Variants in PRKCA observed in about 807,000 individuals in gnomAD.
PRKCA encodes the protein protein kinase C alpha type.
PRKCA carries 27 observed loss-of-function variants against 87.0 expected under a neutral mutation model. The ratio of observed to expected loss-of-function variants is 0.31; its 90% confidence interval spans 0.23 to 0.43. The LOEUF is 0.43. Among genes scored for constraint, PRKCA ranks in the 20% least tolerant of loss-of-function variants. PRKCA has a pLI of 1.00. For synonymous variants in PRKCA, 329 were observed against 311.1 expected, an observed-to-expected ratio of 1.06 and a Z score of -0.61; for missense variants, 518 against 852.3, an observed-to-expected ratio of 0.61 and a Z score of 4.88.
intron 2 of PRKCA, among the ~76,000 whole-genome samples, chr17:66,434,351 ACAT>A (rs768746610): frequency 1.3e-5 from 2 of 152,038 alleles, no homozygotes; most frequent in Non-Finnish European, 2.9e-5. Flanking sequence ...CCTTGTGAAG[ACAT>A]CATGAGCCTC....
At chr17:66,633,185 CAA>C (rs1361804856) in intron 3 of PRKCA, among the ~76,000 whole-genome samples, 1 of 152,118 alleles carries the variant, frequency 6.6e-6, no homozygotes, top group Non-Finnish European at 1.5e-5. Context: ...ACATGATACA[CAA>C]TGTAATAATT....
intron 8 of PRKCA, among the ~76,000 whole-genome samples, chr17:66,731,883 C>T (rs371432083): frequency 1.1e-4 from 17 of 148,356 alleles, no homozygotes; most frequent in Admixed American, 6.8e-5. Context: ...CCCCGCCCCC[C>T]GGTTCAAGCG....
intron 8 of PRKCA, among the ~76,000 whole-genome samples, chr17:66,709,301 C>CTTTTTTTTTTTT (rs552633887): frequency 5.9e-5 from 5 of 84,908 alleles, no homozygotes; most frequent in African/African-American, 2.4e-4. Flanking sequence ...GAGATGATTT[C>CTTTTTTTTTTTT]TTTTTTTTTT....
intron 2 of PRKCA, among the ~76,000 whole-genome samples, chr17:66,365,731 C>T (rs961391921): frequency 1.3e-5 from 2 of 152,082 alleles, no homozygotes; most frequent in African/African-American, 2.4e-5. Context: ...AGAAAACAGA[C>T]GTATGAATGT....
intron 2 of PRKCA, among the ~76,000 whole-genome samples, chr17:66,383,650 A>T (rs1433026234): frequency 6.6e-6 from 1 of 152,210 alleles, no homozygotes; most frequent in East Asian, 1.9e-4. Flanking sequence ...AGTACTTTTA[A>T]AAGAGCAAGA....
chr17:66,508,610 G>T (rs1917078729), intron 3 of PRKCA, among the ~76,000 whole-genome samples: 1 of 152,162 alleles, frequency 6.6e-6, no homozygotes, highest in Admixed American at 6.5e-5. Flanking sequence ...CTGCACACAG[G>T]ATCCCAAGCC....
intron 11 of PRKCA, 90 bp downstream of exon 11, chr17:66,738,945 G>A (rs1974098865): frequency 2.0e-6 from 2 of 977,410 alleles, no homozygotes; most frequent in African/African-American, 1.6e-5. Flanking sequence ...GAGATTGGGG[G>A]TCTCACTCTG....
intron 2 of PRKCA, among the ~76,000 whole-genome samples, chr17:66,431,364 A>C (rs1913090765): frequency 6.6e-6 from 1 of 152,160 alleles, no homozygotes; most frequent in African/African-American, 2.4e-5. Context: ...AAATGAATTC[A>C]TCTTGTTGCT....
chr17:66,799,103 G>A (rs1163639889), intron 16 of PRKCA, among the ~76,000 whole-genome samples: 3 of 10,450 alleles, frequency 2.9e-4, no homozygotes, highest in African/African-American at 3.0e-4. Flanking sequence ...GGTGGTGGTG[G>A]TGATGGTGAC....
chr17:66,762,779 G>A (rs1974714224), intron 13 of PRKCA, among the ~76,000 whole-genome samples: 1 of 152,086 alleles, frequency 6.6e-6, no homozygotes, highest in South Asian at 2.1e-4. Flanking sequence ...TCAGAACCCT[G>A]AAAACACCTT....
intron 2 of PRKCA, among the ~76,000 whole-genome samples, chr17:66,350,373 C>T (rs1907668626): frequency 6.6e-6 from 1 of 151,936 alleles, no homozygotes; most frequent in African/African-American, 2.4e-5. Context: ...TGTCCGTGGA[C>T]CCACAGGAGA....
At chr17:66,570,514 G>T (rs73993882) in intron 3 of PRKCA, among the ~76,000 whole-genome samples, 1 of 152,254 alleles carries the variant, frequency 6.6e-6, no homozygotes, top group Admixed American at 6.5e-5. Flanking sequence ...ATTGTGCAGC[G>T]TGTTGCTACT....
At chr17:66,716,679 G>A (rs907001163) in intron 8 of PRKCA, among the ~76,000 whole-genome samples, 1 of 152,184 alleles carries the variant, frequency 6.6e-6, no homozygotes. Flanking sequence ...GGAAAAATTT[G>A]GTTGGCTGCA....
intron 3 of PRKCA, among the ~76,000 whole-genome samples, chr17:66,542,285 C>A (rs978766206): frequency 1.3e-5 from 2 of 152,068 alleles, no homozygotes; most frequent in African/African-American, 4.8e-5. Flanking sequence ...TTTGTATGTG[C>A]ACAGTCTTTG....
At chr17:66,383,496 C>G (rs1909884676) in intron 2 of PRKCA, among the ~76,000 whole-genome samples, 1 of 152,140 alleles carries the variant, frequency 6.6e-6, no homozygotes, top group Admixed American at 6.5e-5. Flanking sequence ...ATTGTCGTCA[C>G]AACCCTCAGA....
chr17:66,690,758 G>A (rs535217810), intron 8 of PRKCA, among the ~76,000 whole-genome samples: 1 of 150,970 alleles, frequency 6.6e-6, no homozygotes, highest in South Asian at 2.1e-4. Flanking sequence ...TACCTGGGAG[G>A]CGGAAGTTGC....
At chr17:66,570,549 G>A (rs1476951899) in intron 3 of PRKCA, among the ~76,000 whole-genome samples, 1 of 152,218 alleles carries the variant, frequency 6.6e-6, no homozygotes, top group Non-Finnish European at 1.5e-5. Context: ...CGAGGCATGG[G>A]TGAGAGGAGG....
At chr17:66,795,631 G>A (rs978810483) in intron 16 of PRKCA, among the ~76,000 whole-genome samples, 3 of 152,218 alleles carry the variant, frequency 2.0e-5, no homozygotes, top group Non-Finnish European at 4.4e-5. Context: ...ACTACTGCAA[G>A]CCTCTGGGAG....
intron 2 of PRKCA, among the ~76,000 whole-genome samples, chr17:66,471,052 C>T (rs1915304213): frequency 6.7e-6 from 1 of 149,288 alleles, no homozygotes; most frequent in Non-Finnish European, 1.5e-5. Flanking sequence ...ACAAAGTGCT[C>T]TGCAAGTTGC....
Sources: gnomAD v4.1 joint callset for allele counts (sites outside exome capture counted in the v4.1 genomes callset) on GRCh38, gnomAD v4.1.1 for gene constraint, MANE v1.5 for transcripts, NCBI Gene and HGNC (gene_info 2026-07-23, HGNC 2026-07-21) for gene names.